Variants in TTC23L observed in about 807,000 individuals in gnomAD.
The protein encoded by TTC23L is tetratricopeptide repeat protein 23-like.
In TTC23L, 42 loss-of-function variants were observed where a neutral mutation model predicts 48.1. The ratio of observed to expected loss-of-function variants is 0.87; its 90% CI spans 0.68 to 1.13. TTC23L has a LOEUF of 1.13. TTC23L is among the 50% of genes most tolerant of loss of function. The pLI, the probability that TTC23L is intolerant of heterozygous loss-of-function variation, is 0.00. For synonymous variants in TTC23L, 159 were observed against 157.2 expected (o/e 1.01, Z -0.09); for missense variants, 391 against 421.0 (o/e 0.93, Z 0.62).
chr5:34,852,431 A>G (rs1348855819), intron 4 of TTC23L, among the ~76,000 whole-genome samples: 1 of 151,724 alleles, frequency 6.6e-6, no homozygotes, highest in Non-Finnish European at 1.5e-5. Context: ...GAGAGTTATT[A>G]AAAGGTTTGA....
the TTC23L span, chr5:34,911,855 C>T: frequency 7.6e-6 from 12 of 1,579,274 alleles, no homozygotes; most frequent in Admixed American, 2.1e-4. Flanking sequence ...CTTTATAGTT[C>T]TGGGTTCAGC....
At chr5:34,867,385 G>A in intron 7 of TTC23L, 1 of 331,022 alleles carries the variant, frequency 3.0e-6, no homozygotes, top group Admixed American at 4.4e-5. Flanking sequence ...AAAGATACAG[G>A]GACAACCGAA....
chr5:34,924,778 G>T, the TTC23L span: 2 of 1,055,048 alleles, frequency 1.9e-6, no homozygotes, highest in Non-Finnish European at 1.5e-6. Flanking sequence ...TTATAATGAG[G>T]TTATAGCCAG....
chr5:34,888,465 T>C, intron 9 of TTC23L: 2 of 985,306 alleles, frequency 2.0e-6, no homozygotes, highest in Non-Finnish European at 2.4e-6. Flanking sequence ...TGTCTGATGA[T>C]TCAAATCTTT....
intron 8 of TTC23L, among the ~76,000 whole-genome samples, chr5:34,870,365 A>G (rs1281812543): frequency 1.3e-5 from 2 of 152,324 alleles, no homozygotes; most frequent in Admixed American, 1.3e-4. Flanking sequence ...TAAAGTTTCT[A>G]TCTGTCACAA....
At chr5:34,925,485 A>C in the TTC23L span, 1 of 1,610,026 alleles carries the variant, frequency 6.2e-7, no homozygotes, top group South Asian at 1.1e-5. Context: ...GACAGTGGGA[A>C]AACAAAATAA....
intron 9 of TTC23L, among the ~76,000 whole-genome samples, chr5:34,893,117 C>T (rs1243198438): frequency 1.3e-5 from 2 of 152,046 alleles, no homozygotes; most frequent in Admixed American, 1.3e-4. Context: ...GTAGGAAGAA[C>T]GTGTAGAGGA....
At chr5:34,901,373 G>GAAT (rs1763506950), downstream of TTC23L, among the ~76,000 whole-genome samples, 1 of 152,158 alleles carries the variant, frequency 6.6e-6, no homozygotes, top group African/African-American at 2.4e-5. Context: ...GCCTTGGGAG[G>GAAT]AATAGTTTGA....
chr5:34,909,474 C>T, the TTC23L span: 2 of 643,960 alleles, frequency 3.1e-6, no homozygotes, highest in Admixed American at 2.7e-5. Context: ...GACATGTACA[C>T]AAATGCTTAT....
chr5:34,850,444 C>A, intron 4 of TTC23L, 136 bp downstream of exon 4: 1 of 1,006,166 alleles, frequency 9.9e-7, no homozygotes, highest in Non-Finnish European at 1.5e-6. Flanking sequence ...GAAGGAAAGT[C>A]CATGGATGAG....
chr5:34,905,461 T>G, the TTC23L span: 2 of 152,174 alleles, frequency 1.3e-5, no homozygotes, highest in Admixed American at 1.3e-4. Flanking sequence ...GGCTTCCTGT[T>G]AAAATGACTG....
downstream of TTC23L, chr5:34,902,515 G>GAA (rs1041049572): frequency 7.4e-5 from 15 of 203,044 alleles, no homozygotes; most frequent in Middle Eastern, 4.8e-4. Context: ...AGTGCTTACA[G>GAA]AACCACATTT....
the TTC23L span, among the ~76,000 whole-genome samples, chr5:34,919,387 T>G: frequency 6.6e-6 from 1 of 152,000 alleles, no homozygotes; most frequent in African/African-American, 2.4e-5. Flanking sequence ...TGTTTTTTGT[T>G]TTTTATTTTT....
At chr5:34,880,102 T>C in intron 8 of TTC23L, 79 bp from the exon 9 acceptor site, 2 of 1,513,624 alleles carry the variant, frequency 1.3e-6, no homozygotes, top group Admixed American at 2.1e-5. Flanking sequence ...AGCATGAAAA[T>C]GTCAATTGAG....
the TTC23L span, chr5:34,914,807 G>A: frequency 1.2e-6 from 2 of 1,614,242 alleles, no homozygotes; most frequent in African/African-American, 1.3e-5. Context: ...TTTCAAGATA[G>A]TGGAGAGATT....
At chr5:34,895,107 T>G (rs1763126375) in intron 9 of TTC23L, among the ~76,000 whole-genome samples, 1 of 152,206 alleles carries the variant, frequency 6.6e-6, no homozygotes. Context: ...TAATCAGGAA[T>G]TTACTCATTA....
At position 34,840,242 on chromosome 5, in the gene TTC23L, G is replaced by GC. The variant is rs949747515; in HGVS notation, c.-7-423_-7-422insC. ...ATTAATTAGTGAAATGACCCCGGGG[G>GC]GGGGGGGGAAAGCAGAATTAACCAA... On this transcript the variant is annotated intron_variant, in intron 1 of 10. Transcript: ENST00000505624. Among the ~76,000 whole-genome samples, 22 of 143,190 alleles carry GC rather than the reference G, an allele frequency of 1.5e-4. 5 individuals are homozygous for GC. The highest frequency in any genetic ancestry group is 9.5e-4 in the Admixed American group (14 of 14,754). 93.9% of individuals were successfully genotyped at this position (143,190 alleles called of 152,430 possible).
chr5:34,925,601 AT>A, the TTC23L span: 1 of 937,088 alleles, frequency 1.1e-6, no homozygotes, highest in Non-Finnish European at 1.5e-6. Flanking sequence ...TTAGTGTAGC[AT>A]TTACAAGAAA....
At chr5:34,895,814 A>T (rs1389540671) in intron 9 of TTC23L, among the ~76,000 whole-genome samples, 1 of 152,248 alleles carries the variant, frequency 6.6e-6, no homozygotes, top group Non-Finnish European at 1.5e-5. Context: ...ATTTTGTATC[A>T]GCCAGACCAG....
Sources: gnomAD v4.1 joint callset for allele counts (sites outside exome capture counted in the v4.1 genomes callset) on GRCh38, gnomAD v4.1.1 for gene constraint, MANE v1.5 for transcripts, NCBI Gene and HGNC (gene_info 2026-07-23, HGNC 2026-07-21) for gene names.